The following GPM6A variants were observed in gnomAD, a reference collection of about 807,000 sequenced individuals.
GPM6A encodes glycoprotein M6A.
In GPM6A, 7 loss-of-function variants were observed where a neutral mutation model predicts 32.1. The observed-to-expected ratio is 0.22, with a 90% CI of 0.12 to 0.41. GPM6A has a LOEUF of 0.41. Among genes scored for constraint, GPM6A ranks in the 10% least tolerant of loss-of-function variants. The pLI is 1.00. For missense variants in GPM6A, 235 were observed against 347.2 expected, an observed-to-expected ratio of 0.68 and a Z score of 2.57; for synonymous variants, 130 against 123.4, an observed-to-expected ratio of 1.05 and a Z score of -0.35.
intron 1 of GPM6A, among the ~76,000 whole-genome samples, chr4:175,846,842 C>T (rs1041475709): frequency 8.6e-5 from 13 of 151,850 alleles, no homozygotes; most frequent in South Asian, 2.1e-4. Flanking sequence ...ATTCAGTCTT[C>T]GTTAACTGTG....
upstream of GPM6A, among the ~76,000 whole-genome samples, chr4:175,813,404 G>C (rs1735004400): frequency 6.6e-6 from 1 of 152,074 alleles, no homozygotes; most frequent in Non-Finnish European, 1.5e-5. Flanking sequence ...CTTCACAAAA[G>C]GTATAGCAAG....
chr4:175,950,341 A>T (rs1182948597), intron 1 of GPM6A, among the ~76,000 whole-genome samples: 1 of 152,172 alleles, frequency 6.6e-6, no homozygotes, highest in African/African-American at 2.4e-5. Flanking sequence ...TTTATTAATT[A>T]AAATAATTAC....
chr4:175,803,504 A>G (rs2111309736), intron 1 of GPM6A, among the ~76,000 whole-genome samples: 1 of 152,280 alleles, frequency 6.6e-6, no homozygotes, highest in South Asian at 2.1e-4. Context: ...AACATGGAGA[A>G]GGAATCTGCA....
At chr4:175,658,171 C>T (rs1276473372) in intron 3 of GPM6A, among the ~76,000 whole-genome samples, 8 of 151,896 alleles carry the variant, frequency 5.3e-5, no homozygotes, top group Admixed American at 4.6e-4. Context: ...CCAAAATGTC[C>T]TTCAGTAGAT....
intron 1 of GPM6A, among the ~76,000 whole-genome samples, chr4:175,992,070 A>G (rs918457807): frequency 3.2e-4 from 48 of 151,992 alleles, no homozygotes; most frequent in African/African-American, 1.0e-3. Context: ...GCACACACAC[A>G]CACACACACA....
chr4:175,997,924 CCTT>C (rs886514780), intron 1 of GPM6A, among the ~76,000 whole-genome samples: 4 of 149,816 alleles, frequency 2.7e-5, no homozygotes, highest in African/African-American at 1.0e-4. Context: ...CAGTTGGCAT[CCTT>C]CTTCAATCAA....
At chr4:175,970,896 C>T (rs1200775849) in intron 1 of GPM6A, 3 of 448,802 alleles carry the variant, frequency 6.7e-6, no homozygotes, top group African/African-American at 2.2e-5. Context: ...CACTCGATAC[C>T]GACAGACCCT....
intron 1 of GPM6A, among the ~76,000 whole-genome samples, chr4:175,951,769 G>A (rs4690647): frequency 0.52 from 78,484 of 152,078 alleles, 22,934 homozygotes; most frequent in Admixed American, 0.63. Flanking sequence ...TGGTTAATGC[G>A]GAGCGTGTTT....
intron 6 of GPM6A, among the ~76,000 whole-genome samples, chr4:175,639,053 TCTATATAGAG>T (rs142420632): frequency 0.042 from 6,350 of 152,216 alleles, 171 homozygotes; most frequent in Admixed American, 0.072. Context: ...AGAGGTTTAT[TCTATATAGAG>T]GTCACTGTAT....
Position 175,984,369 on chromosome 4 carries a change from C to T in GPM6A, c.-23+17940G>A, listed in dbSNP as rs187471522. 4.5e-4 allele frequency among the ~76,000 whole-genome samples: 68 copies of T among 152,032 alleles called. 1 individual carries two copies. In the East Asian group the frequency reaches 7.8e-3, roughly 17 times the overall value. On this transcript the variant is annotated intron_variant, in intron 1 of 7. Transcript: ENST00000280187. The stretch of plus-strand genomic sequence containing the variant: ...TAGTAGAGACGAGGTTTCACCGTGT[C>T]AGCCAGGATGGTCTTGATCTCCGGA...
chr4:175,972,240 T>C (rs1009742250), intron 1 of GPM6A, among the ~76,000 whole-genome samples: 2 of 152,230 alleles, frequency 1.3e-5, no homozygotes, highest in Admixed American at 1.3e-4. Flanking sequence ...AAATTTGTGA[T>C]GTATATACAT....
chr4:175,720,585 T>G (rs1431161835), intron 1 of GPM6A, among the ~76,000 whole-genome samples: 1 of 152,212 alleles, frequency 6.6e-6, no homozygotes, highest in African/African-American at 2.4e-5. Context: ...TTCATGTAGC[T>G]TTATACGTCC....
At chr4:175,700,878 A>G (rs1190195517) in intron 2 of GPM6A, among the ~76,000 whole-genome samples, 1 of 152,162 alleles carries the variant, frequency 6.6e-6, no homozygotes, top group Non-Finnish European at 1.5e-5. Flanking sequence ...TCAATCCCAA[A>G]CCTTTGTTCT....
chr4:175,820,723 T>G (rs998221816), intron 1 of GPM6A, among the ~76,000 whole-genome samples: 1 of 152,082 alleles, frequency 6.6e-6, no homozygotes, highest in African/African-American at 2.4e-5. Flanking sequence ...GGTCTCAAAC[T>G]TCTGACCTCA....
chr4:175,946,799 C>T (rs553566051), intron 1 of GPM6A, among the ~76,000 whole-genome samples: 211 of 152,148 alleles, frequency 1.4e-3, no homozygotes, highest in South Asian at 2.3e-3. Flanking sequence ...TTTTAAAATG[C>T]CTTTATCCTA....
chr4:175,779,405 A>G (rs912059640), intron 1 of GPM6A, among the ~76,000 whole-genome samples: 3 of 152,242 alleles, frequency 2.0e-5, no homozygotes, highest in Non-Finnish European at 4.4e-5. Context: ...AAAGCACGTT[A>G]TATTTCACAG....
At chr4:175,986,037 C>G (rs935553453) in intron 1 of GPM6A, among the ~76,000 whole-genome samples, 13 of 151,724 alleles carry the variant, frequency 8.6e-5, no homozygotes, top group Admixed American at 5.2e-4. Context: ...AACTCTTGAC[C>G]TTGCGATCTG....
intron 1 of GPM6A, among the ~76,000 whole-genome samples, chr4:175,788,705 A>G (rs767386048): frequency 2.0e-5 from 3 of 152,180 alleles, no homozygotes; most frequent in Non-Finnish European, 4.4e-5. Flanking sequence ...GGAATTTCAG[A>G]AGTGGATTTT....
rs747350726 is a variant in GPM6A at position 175,673,685 on chromosome 4, C to T, written c.382G>A (p.Ala128Thr). 4.4e-6 allele frequency: 7 copies of T among 1,605,674 alleles called. No individual in the cohort carries two copies. Among genetic ancestry groups the T allele is most frequent in the Admixed American group, 1.7e-5 (1 of 59,838 alleles). The change falls in exon 3 of 7, where the codon GCT (alanine) becomes ACT (threonine). Residue 128 changes from alanine to threonine, a missense_variant. By Grantham distance (58) the Ala-to-Thr change is moderately conservative. Around this residue, in one of 3 missense-constraint regions of GPM6A, gnomAD observed 101 missense variants for 171.2 expected, o/e 0.59. Transcript: ENST00000393658. ...AATGTAGAGAACTAACATACCCAAG[C>T]GCTCACACATCTGCCACAAGTGGTG... is the stretch of plus-strand genomic sequence containing the variant. Reference protein sequence around the residue: ...KITTCGRCVSAWFIMLTYLFM... With the variant: ...KITTCGRCVSTWFIMLTYLFM...
Sources: allele counts gnomAD v4.1 joint callset (sites outside exome capture counted in the v4.1 genomes callset), GRCh38; gene constraint gnomAD v4.1.1; regional missense constraint gnomAD v4.1.1; transcripts MANE v1.5; gene names NCBI Gene and HGNC (gene_info 2026-07-23, HGNC 2026-07-21).